ULK4: variants seen among roughly 807,000 people sequenced by gnomAD.
ULK4 encodes inactive serine/threonine-protein kinase ULK4.
ULK4 carries 133 observed loss-of-function variants against 160.6 expected under a neutral mutation model. The observed-to-expected ratio is 0.83, with a 90% CI of 0.72 to 0.96. The LOEUF (loss-of-function observed/expected upper bound fraction) is 0.96. ULK4 is among the 40% of genes least tolerant of loss of function. The pLI is 0.00. For synonymous variants in ULK4, 534 were observed against 539.8 expected (o/e 0.99, Z 0.15); for missense variants, 1,580 against 1,499.5 (o/e 1.05, Z -0.89).
intron 32 of ULK4, among the ~76,000 whole-genome samples, chr3:41,491,912 T>A (rs1253896600): frequency 7.1e-5 from 10 of 140,146 alleles, no homozygotes; most frequent in Admixed American, 6.8e-4. Context: ...CCCCAGAGTA[T>A]GATGTTCCCC....
chr3:41,353,714 C>T (rs1189908965), intron 35 of ULK4, among the ~76,000 whole-genome samples: 53 of 134,392 alleles, frequency 3.9e-4, no homozygotes, highest in African/African-American at 1.4e-3. Context: ...ACTACTACTA[C>T]TACTACTACT....
chr3:41,567,985 C>G (rs1432522777), intron 31 of ULK4, among the ~76,000 whole-genome samples: 4 of 152,176 alleles, frequency 2.6e-5, no homozygotes, highest in Non-Finnish European at 5.9e-5. Context: ...CTGATACTAA[C>G]AACTCAGCTA....
At chr3:41,436,957 C>T (rs990023325) in intron 34 of ULK4, among the ~76,000 whole-genome samples, 1 of 152,186 alleles carries the variant, frequency 6.6e-6, no homozygotes, top group Admixed American at 6.5e-5. Context: ...AAGACATGAA[C>T]TTACTGAGTC....
intron 34 of ULK4, among the ~76,000 whole-genome samples, chr3:41,447,081 CTCA>C (rs1243419200): frequency 4.6e-5 from 1 of 21,752 alleles, no homozygotes. Context: ...GAGACTCTGT[CTCA>C]AAAAAAAAAA....
chr3:41,833,303 T>C (rs2041654762), intron 18 of ULK4, among the ~76,000 whole-genome samples: 1 of 150,846 alleles, frequency 6.6e-6, no homozygotes, highest in South Asian at 2.1e-4. Flanking sequence ...TTTTTTTTGT[T>C]TGTTTGTTTT....
chr3:41,602,327 G>T (rs538724181), intron 31 of ULK4, among the ~76,000 whole-genome samples: 18 of 119,324 alleles, frequency 1.5e-4, no homozygotes, highest in African/African-American at 5.8e-4. Context: ...AAAGGAGGAA[G>T]GGAAAGGAAA....
At chr3:41,354,215 G>T (rs1166819193) in intron 35 of ULK4, among the ~76,000 whole-genome samples, 2 of 152,180 alleles carry the variant, frequency 1.3e-5, no homozygotes, top group African/African-American at 2.4e-5. Context: ...TTGGTTCATT[G>T]TTGACCACTC....
intron 30 of ULK4, among the ~76,000 whole-genome samples, chr3:41,660,850 G>C (rs529969065): frequency 6.6e-6 from 1 of 152,170 alleles, no homozygotes; most frequent in East Asian, 1.9e-4. Flanking sequence ...AGCATTTAAT[G>C]GGGAGAGGGG....
At chr3:41,804,448 T>C (rs1365644372) in intron 19 of ULK4, among the ~76,000 whole-genome samples, 2 of 151,608 alleles carry the variant, frequency 1.3e-5, no homozygotes, top group African/African-American at 2.4e-5. Flanking sequence ...TTCACTCTGA[T>C]GGTAGTTTCT....
chr3:41,799,295 C>T (rs1332469008), intron 20 of ULK4, among the ~76,000 whole-genome samples: 1 of 152,154 alleles, frequency 6.6e-6, no homozygotes, highest in African/African-American at 2.4e-5. Context: ...TAAATTGATA[C>T]AAGCATGTTA....
chr3:41,815,798 G>C (rs576512462), intron 19 of ULK4, among the ~76,000 whole-genome samples: 24 of 152,178 alleles, frequency 1.6e-4, no homozygotes, highest in East Asian at 7.7e-4. Context: ...CCTACACATA[G>C]CACCACACAC....
intron 32 of ULK4, among the ~76,000 whole-genome samples, chr3:41,546,748 A>T (rs1413231613): frequency 7.3e-6 from 1 of 136,298 alleles, no homozygotes; most frequent in African/African-American, 2.9e-5. Flanking sequence ...CTTAGATTCT[A>T]CTTTCCTCCC....
chr3:41,254,298 C>A lies in ULK4; in HGVS notation c.3679-4724G>T, dbSNP rs1294401199. Among the ~76,000 whole-genome samples the A allele has an allele frequency of 2.0e-5, 3 of 152,300 alleles. 1 individual carries two copies. The South Asian group carries it at 6.2e-4, about 32-fold the overall frequency. On this transcript the variant is annotated intron_variant, in intron 35 of 36. Coordinates refer to ENST00000301831, the MANE Select transcript of ULK4 (RefSeq NM_017886.4). ...AAATTGAAACCATATAAAATATATT[C>A]TCTGACCATATGGAATTAAACTAGC...
chr3:41,267,708 A>C (rs56858523), intron 35 of ULK4, among the ~76,000 whole-genome samples: 9,362 of 152,226 alleles, frequency 0.062, 690 homozygotes, highest in East Asian at 0.18. Flanking sequence ...CATCAGCCAC[A>C]GTGAAAAGTC....
At chr3:41,476,185 G>A (rs1240407419) in intron 32 of ULK4, among the ~76,000 whole-genome samples, 1 of 152,140 alleles carries the variant, frequency 6.6e-6, no homozygotes, top group African/African-American at 2.4e-5. Context: ...AGCAACCGCT[G>A]TTAGTCTCCC....
At chr3:41,852,352 C>T (rs948528928) in intron 17 of ULK4, among the ~76,000 whole-genome samples, 4 of 152,096 alleles carry the variant, frequency 2.6e-5, no homozygotes, top group Non-Finnish European at 5.9e-5. Context: ...TCAATCTTGC[C>T]ATGCAGACTA....
chr3:41,835,128 T>G (rs2125652678), intron 18 of ULK4, among the ~76,000 whole-genome samples: 1 of 152,162 alleles, frequency 6.6e-6, no homozygotes, highest in South Asian at 2.1e-4. Context: ...GAGAATGATC[T>G]GAGCCCAGGA....
At chr3:41,843,286 A>G (rs2041979604) in intron 17 of ULK4, among the ~76,000 whole-genome samples, 1 of 152,226 alleles carries the variant, frequency 6.6e-6, no homozygotes, top group African/African-American at 2.4e-5. Flanking sequence ...GGTAAAAATA[A>G]AAAATAGTGA....
rs1169799743 is a variant in ULK4 at position 41,290,873 on chromosome 3, T to A, written c.3679-41299A>T. Among the ~76,000 whole-genome samples the A allele has an allele frequency of 7.2e-5, 11 of 152,318 alleles. No individual in the cohort carries two copies. The South Asian group carries it at 2.3e-3, about 32-fold the overall frequency. On this transcript the variant is annotated intron_variant, in intron 35 of 36. Coordinates refer to ENST00000301831, the MANE Select transcript of ULK4 (RefSeq NM_017886.4). ...CTGACTCCCATGCCAGGAGGTTCCA[T>A]TACATTCTGCTGGTGAAATTAATCA... is the stretch of plus-strand genomic sequence containing the variant.
Sources: allele counts gnomAD v4.1 joint callset (sites outside exome capture counted in the v4.1 genomes callset), GRCh38; gene constraint gnomAD v4.1.1; transcripts MANE v1.5; gene names NCBI Gene and HGNC (gene_info 2026-07-23, HGNC 2026-07-21).